Variants in PCDHGB1 observed in about 807,000 individuals in gnomAD.
PCDHGB1 encodes the protein protocadherin gamma-B1.
Under a neutral mutation model 56.6 loss-of-function variants are expected in PCDHGB1, and 34 were observed. That is an observed-to-expected ratio of 0.60 (90% CI 0.46 to 0.80). The LOEUF is 0.80. Ranked by LOEUF, PCDHGB1 falls within the 30% of genes least tolerant of loss-of-function variation. The pLI, the probability that PCDHGB1 is intolerant of heterozygous loss-of-function variation, is 0.00. For synonymous variants in PCDHGB1, 561 were observed against 505.9 expected, an observed-to-expected ratio of 1.11 and a Z score of -1.46; for missense variants, 1,278 against 1,204.6, an observed-to-expected ratio of 1.06 and a Z score of -0.90.
chr5:141,459,579 T>G (rs1047850142), intron 1 of PCDHGB1, among the ~76,000 whole-genome samples: 2 of 152,212 alleles, frequency 1.3e-5, no homozygotes, highest in African/African-American at 4.8e-5. Context: ...AGAATTGTTT[T>G]GGGGGTCATA....
rs1767458792 is a variant in PCDHGB1 at position 141,371,070 on chromosome 5, A to G, written c.2409+18401A>G. ...GGGCGAGCCCTCCAGAAGCTGTACCACCCAGATCAGGGTAATTGTCGCAGA... is the reference window on the plus strand; with the variant it reads ...GGGCGAGCCCTCCAGAAGCTGTACCGCCCAGATCAGGGTAATTGTCGCAGA... On this transcript the variant is annotated intron_variant, in intron 1 of 3. Coordinates refer to ENST00000523390, the MANE Select transcript of PCDHGB1 (RefSeq NM_018922.3). The G allele has an allele frequency of 3.7e-6, 6 of 1,613,796 alleles. No individual in the cohort carries two copies. The highest frequency in any genetic ancestry group is 5.1e-6 in the Non-Finnish European group (6 of 1,179,860).
At chr5:141,365,637 G>A in intron 1 of PCDHGB1, 1 of 1,613,458 alleles carries the variant, frequency 6.2e-7, no homozygotes. Context: ...TCTACAGAAA[G>A]CCACATCCCC....
intron 1 of PCDHGB1, chr5:141,355,729 T>G: frequency 6.2e-7 from 1 of 1,614,026 alleles, no homozygotes; most frequent in Non-Finnish European, 8.5e-7. Context: ...CTCAAACGGT[T>G]ACTTTTCCCT....
At chr5:141,455,959 G>A (rs112864392) in intron 1 of PCDHGB1, among the ~76,000 whole-genome samples, 2 of 150,430 alleles carry the variant, frequency 1.3e-5, no homozygotes. Flanking sequence ...GTGCAGTGGC[G>A]CGATCTCAGC....
Position 141,434,784 on chromosome 5 carries a change from AT to A in PCDHGB1, c.2410-60014del, listed in dbSNP as rs201914459. On this transcript the variant is annotated intron_variant, in intron 1 of 3. Transcript: ENST00000523390. The stretch of plus-strand genomic sequence containing the variant: ...ACTTCACACTTCTAAAAAAAAAAAA[AT>A]TTTTTTTTCTGAGCTTGGAGAAATA... Among the ~76,000 whole-genome samples the A allele has an allele frequency of 3.3e-4, 49 of 150,342 alleles. 1 individual carries two copies. Among genetic ancestry groups the A allele is most frequent in the Middle Eastern group, 3.4e-3 (1 of 290 alleles).
intron 1 of PCDHGB1, chr5:141,378,091 TC>T (rs1774623141): frequency 6.6e-6 from 1 of 152,230 alleles, no homozygotes; most frequent in African/African-American, 2.4e-5. Flanking sequence ...TAACTTTTTT[TC>T]AAACTCTAAA....
In PCDHGB1 at chr5:141,432,358, G is replaced by A. The variant is rs750696244; in HGVS notation, c.2410-62449G>A. ...TCCGAGACTTGCAAGTGAAAGTGAT[G>A]GCGCGGGACAACGGGCACCCGCCCC... On this transcript the variant is annotated intron_variant, in intron 1 of 3. Transcript: ENST00000523390. This position sits in a 1 kb window ranked among gnomAD's most constrained non-coding sequence, Gnocchi z 6.0. The A allele has an allele frequency of 6.2e-7, 1 of 1,614,122 alleles. No homozygotes were observed. The highest frequency in any genetic ancestry group is 8.5e-7 in the Non-Finnish European group (1 of 1,180,060).
intron 1 of PCDHGB1, chr5:141,390,425 G>A (rs908766072): frequency 9.6e-7 from 1 of 1,042,070 alleles, no homozygotes. Flanking sequence ...TTAAAAAGCT[G>A]TCATATCATT....
At chr5:141,461,178 G>A (rs2154567263) in intron 1 of PCDHGB1, among the ~76,000 whole-genome samples, 1 of 152,144 alleles carries the variant, frequency 6.6e-6, no homozygotes, top group East Asian at 1.9e-4. Context: ...TGGATTGAAT[G>A]GTAGATCTGT....
rs932577945 is a variant in PCDHGB1 at position 141,351,877 on chromosome 5, C to T, written c.1617C>T (p.Ser539=). The T allele has an allele frequency of 6.2e-7, 1 of 1,613,314 alleles. No homozygotes were observed. The highest frequency in any genetic ancestry group is 8.5e-7 in the Non-Finnish European group (1 of 1,179,730). Residue 539 remains serine, a synonymous_variant, in exon 1 of 4, where the codon AGC becomes AGT. Coordinates refer to ENST00000523390, the MANE Select transcript of PCDHGB1 (RefSeq NM_018922.3). ...GGGACCAGGGCTCCCCCGCGCTCAGCGCCAACGTGAGCCTGCGCGTGTTGG... is the reference window on the plus strand; with the variant it reads ...GGGACCAGGGCTCCCCCGCGCTCAGTGCCAACGTGAGCCTGCGCGTGTTGG... ...QARDQGSPAL[S]ANVSLRVLVG...
intron 1 of PCDHGB1, chr5:141,384,588 G>C: frequency 1.2e-6 from 2 of 1,614,242 alleles, no homozygotes; most frequent in Middle Eastern, 1.6e-4. Context: ...CCGAGATCCT[G>C]TACCCGGCCC....
At chr5:141,398,367 G>C (rs1480641333) in intron 1 of PCDHGB1, 1 of 1,430,476 alleles carries the variant, frequency 7.0e-7, no homozygotes, top group Non-Finnish European at 9.7e-7. Context: ...TGAGCGCAGA[G>C]AGCGGGGAGT....
chr5:141,421,784 G>C, intron 1 of PCDHGB1: 1 of 1,613,874 alleles, frequency 6.2e-7, no homozygotes, highest in Non-Finnish European at 8.5e-7. Context: ...CTGCGGGGCA[G>C]AACGGATGGG....
At chr5:141,393,138 C>G (rs2092688516) in intron 1 of PCDHGB1, 1 of 1,613,196 alleles carries the variant, frequency 6.2e-7, no homozygotes, top group Non-Finnish European at 8.5e-7. Flanking sequence ...TATTAACACC[C>G]TGGTTGAGGA....
At chr5:141,408,177 G>C (rs1359754385) in intron 1 of PCDHGB1, 3 of 1,534,464 alleles carry the variant, frequency 2.0e-6, no homozygotes, top group Non-Finnish European at 2.6e-6. Context: ...GGAAAAGCGG[G>C]GACCCAGCGA....
intron 1 of PCDHGB1, among the ~76,000 whole-genome samples, chr5:141,472,980 C>CAAAAAAAAAAAAAAAAGAAAAAAA (rs2099308501): frequency 2.3e-5 from 2 of 86,104 alleles, no homozygotes; most frequent in African/African-American, 7.8e-5. Flanking sequence ...GAGTGAAACT[C>CAAAAAAAAAAAAAAAAGAAAAAAA]AAAAAAAAAA....
At chr5:141,421,678 G>T in intron 1 of PCDHGB1, 3 of 1,613,892 alleles carry the variant, frequency 1.9e-6, no homozygotes, top group Non-Finnish European at 2.5e-6. Context: ...AATTCCTGGG[G>T]CGCGATTTGC....
chr5:141,447,979 G>A (rs888759756), intron 1 of PCDHGB1, among the ~76,000 whole-genome samples: 15 of 151,814 alleles, frequency 9.9e-5, no homozygotes, highest in Admixed American at 5.9e-4. Context: ...CCAGCTACTC[G>A]GGAGGCTGAG....
At position 141,502,866 on chromosome 5, in the gene PCDHGB1, C is replaced by CTTTTTTTTTTT. The variant is rs549047197; in HGVS notation, c.2469-2523_2469-2513dup. Among the ~76,000 whole-genome samples the CTTTTTTTTTTT allele has an allele frequency of 4.4e-4, 56 of 128,014 alleles. 1 individual carries two copies. The highest frequency in any genetic ancestry group is 5.1e-4 in the Non-Finnish European group (32 of 62,412). The allele number at this position is 128,014 out of a possible 152,430, so 84.0% of individuals were successfully genotyped here. ...GAGCTGCCTAACCCTGACTCTCTGTCTTTTTTTTTTTTTTGACAGGGAGTC... is the reference window on the plus strand; with the variant it reads ...GAGCTGCCTAACCCTGACTCTCTGTCTTTTTTTTTTTTTTTTTTTTTTTTTGACAGGGAGTC... On this transcript the variant is annotated intron_variant, in intron 2 of 3. Coordinates refer to ENST00000523390, the MANE Select transcript of PCDHGB1 (RefSeq NM_018922.3).
Sources: gnomAD v4.1 joint callset for allele counts (sites outside exome capture counted in the v4.1 genomes callset) on GRCh38, gnomAD v4.1.1 for gene constraint, Gnocchi (gnomAD v3.1) non-coding constraint, MANE v1.5 for transcripts, NCBI Gene and HGNC (gene_info 2026-07-23, HGNC 2026-07-21) for gene names.